BNC2: variants seen among roughly 807,000 people sequenced by gnomAD.
BNC2 encodes zinc finger protein basonuclin-2.
Under a neutral mutation model 76.3 loss-of-function variants are expected in BNC2, and 20 were observed. The observed-to-expected ratio is 0.26, with a 90% CI of 0.18 to 0.38. The LOEUF (loss-of-function observed/expected upper bound fraction) is 0.38. BNC2 is among the 10% of genes least tolerant of loss of function. BNC2 has a pLI of 1.00. For missense variants in BNC2, 1,382 were observed against 1,399.8 expected (o/e 0.99, Z 0.20); for synonymous variants, 582 against 514.8 (o/e 1.13, Z -1.77).
chr9:16,527,129 A>C (rs1347776060), intron 5 of BNC2, among the ~76,000 whole-genome samples: 2 of 152,194 alleles, frequency 1.3e-5, no homozygotes, highest in Non-Finnish European at 2.9e-5. Context: ...CTGCTAAAGG[A>C]CAAGGACTGG....
intron 3 of BNC2, among the ~76,000 whole-genome samples, chr9:16,711,931 A>T (rs1823863831): frequency 6.6e-6 from 1 of 152,242 alleles, no homozygotes; most frequent in African/African-American, 2.4e-5. Flanking sequence ...GATTAGGACA[A>T]AACAGAACTA....
At chr9:16,506,912 C>G (rs372112188) in intron 5 of BNC2, among the ~76,000 whole-genome samples, 43 of 151,656 alleles carry the variant, frequency 2.8e-4, no homozygotes, top group Admixed American at 2.5e-3. Context: ...CCACCACACT[C>G]GGCTAATTTT....
chr9:16,838,649 C>G (rs1818760243), intron 1 of BNC2, among the ~76,000 whole-genome samples: 1 of 152,216 alleles, frequency 6.6e-6, no homozygotes, highest in Non-Finnish European at 1.5e-5. Context: ...TCACATCACA[C>G]TACCACATAT....
At chr9:16,456,826 T>TA (rs1437711327) in intron 5 of BNC2, among the ~76,000 whole-genome samples, 1 of 152,152 alleles carries the variant, frequency 6.6e-6, no homozygotes, top group Non-Finnish European at 1.5e-5. Context: ...TGGAATATTG[T>TA]AAAAAACATC....
At chr9:16,707,063 G>A (rs182590294) in intron 3 of BNC2, among the ~76,000 whole-genome samples, 37 of 152,236 alleles carry the variant, frequency 2.4e-4, no homozygotes, top group Non-Finnish European at 3.5e-4. Flanking sequence ...TTAGCCGGGC[G>A]TGATGGTGGG....
At chr9:16,420,702 TTTAC>T (rs1563775193) in intron 6 of BNC2, among the ~76,000 whole-genome samples, 1 of 136,286 alleles carries the variant, frequency 7.3e-6, no homozygotes, top group African/African-American at 2.6e-5. Context: ...TACATATTTT[TTTAC>T]ATATATATAT....
intron 1 of BNC2, among the ~76,000 whole-genome samples, chr9:16,825,250 C>G (rs983111120): frequency 1.3e-5 from 2 of 152,026 alleles, no homozygotes; most frequent in Admixed American, 1.3e-4. Flanking sequence ...ACTCATCAAC[C>G]GTCAAAGTTG....
At chr9:16,703,790 T>G (rs928151162) in intron 3 of BNC2, among the ~76,000 whole-genome samples, 4 of 152,166 alleles carry the variant, frequency 2.6e-5, no homozygotes, top group African/African-American at 9.6e-5. Context: ...ATTCTTGAGT[T>G]GAATTTTTGT....
intron 5 of BNC2, among the ~76,000 whole-genome samples, chr9:16,527,382 AC>A (rs1165841089): frequency 6.6e-6 from 1 of 152,114 alleles, no homozygotes; most frequent in South Asian, 2.1e-4. Flanking sequence ...TCTCCCCCAG[AC>A]CCCTGTCTAC....
intron 3 of BNC2, among the ~76,000 whole-genome samples, chr9:16,682,560 A>G (rs1015436709): frequency 4.6e-5 from 7 of 152,136 alleles, no homozygotes; most frequent in African/African-American, 9.7e-5. Flanking sequence ...GTTGTTCATT[A>G]ATTACAGGAA....
intron 3 of BNC2, among the ~76,000 whole-genome samples, chr9:16,715,989 TA>T (rs1209162287): frequency 6.6e-6 from 1 of 152,214 alleles, no homozygotes; most frequent in East Asian, 1.9e-4. Context: ...TTTTCATAAT[TA>T]AATGTTTTTT....
intron 5 of BNC2, among the ~76,000 whole-genome samples, chr9:16,549,060 C>T (rs1244842676): frequency 6.6e-6 from 1 of 152,190 alleles, no homozygotes; most frequent in African/African-American, 2.4e-5. Flanking sequence ...TATCATCTCC[C>T]TTTTTCTAAT....
chr9:16,572,612 G>C (rs1819356451), intron 4 of BNC2, among the ~76,000 whole-genome samples: 1 of 152,122 alleles, frequency 6.6e-6, no homozygotes, highest in African/African-American at 2.4e-5. Context: ...AAAGTGTATT[G>C]AGAAAATAAA....
chr9:16,488,279 A>G (rs560611037), intron 5 of BNC2, among the ~76,000 whole-genome samples: 1 of 152,328 alleles, frequency 6.6e-6, no homozygotes, highest in South Asian at 2.1e-4. Context: ...AAAATAAAAT[A>G]TTAACAACTC....
At chr9:16,719,984 G>A (rs1371355873) in intron 3 of BNC2, among the ~76,000 whole-genome samples, 1 of 152,078 alleles carries the variant, frequency 6.6e-6, no homozygotes, top group East Asian at 1.9e-4. Context: ...TTTAAAAGAA[G>A]AAAAAAGGAA....
intron 3 of BNC2, among the ~76,000 whole-genome samples, chr9:16,675,645 T>C (rs1215037046): frequency 6.6e-6 from 1 of 152,244 alleles, no homozygotes; most frequent in Non-Finnish European, 1.5e-5. Context: ...TAGTAAATTG[T>C]ATCTTAAAGA....
chr9:16,802,469 G>C (rs1289092635), intron 1 of BNC2, among the ~76,000 whole-genome samples: 1 of 152,198 alleles, frequency 6.6e-6, no homozygotes, highest in Non-Finnish European at 1.5e-5. Context: ...TGTACAGCAA[G>C]AAATGATTTC....
At chr9:16,463,107 T>C (rs565520884) in intron 5 of BNC2, among the ~76,000 whole-genome samples, 1 of 152,152 alleles carries the variant, frequency 6.6e-6, no homozygotes, top group Admixed American at 6.5e-5. Context: ...GGGAGACTAG[T>C]ACACTAAGAG....
intron 4 of BNC2, among the ~76,000 whole-genome samples, chr9:16,581,713 G>A (rs1352649654): frequency 1.3e-5 from 2 of 152,174 alleles, no homozygotes; most frequent in Non-Finnish European, 2.9e-5. Flanking sequence ...TATGAAGAGA[G>A]ACGAAATCAT....
Sources: allele counts gnomAD v4.1 joint callset (sites outside exome capture counted in the v4.1 genomes callset), GRCh38; gene constraint gnomAD v4.1.1; transcripts MANE v1.5; gene names NCBI Gene and HGNC (gene_info 2026-07-23, HGNC 2026-07-21).